The following P2RY6 variants were observed in gnomAD, a reference collection of about 807,000 sequenced individuals.
The protein encoded by P2RY6 is P2Y purinoceptor 6.
In P2RY6, 19 loss-of-function variants were observed where a neutral mutation model predicts 16.3. That is an observed-to-expected ratio of 1.16 (90% CI 0.81 to 1.71). P2RY6 has a LOEUF of 1.71. Ranked by LOEUF, P2RY6 falls within the 40% of genes most tolerant of loss-of-function variation. The probability of loss-of-function intolerance (pLI) is 0.00; values close to 1 mark genes in which losing one functional copy is unlikely to be tolerated. For synonymous variants in P2RY6, 184 were observed against 201.5 expected (o/e 0.91, Z 0.74); for missense variants, 389 against 455.5 (o/e 0.85, Z 1.33).
upstream of P2RY6, among the ~76,000 whole-genome samples, chr11:73,267,489 C>A (rs1863144418): frequency 6.6e-6 from 1 of 152,032 alleles, no homozygotes; most frequent in Non-Finnish European, 1.5e-5. Flanking sequence ...TCACTGGGCA[C>A]CTTGCAAGGC....
At chr11:73,266,150 T>C (rs1240591072) in intron 1 of P2RY6, among the ~76,000 whole-genome samples, 2 of 152,164 alleles carry the variant, frequency 1.3e-5, no homozygotes, top group Admixed American at 6.5e-5. Context: ...GAGTCCCTAT[T>C]TGAGTATCTC....
chr11:73,275,813 G>C (rs1863513065), intron 1 of P2RY6, among the ~76,000 whole-genome samples: 1 of 152,184 alleles, frequency 6.6e-6, no homozygotes, highest in Admixed American at 6.5e-5. Flanking sequence ...CTGACTCTTG[G>C]ATTCATTGGT....
chr11:73,279,661 T>TA (rs1411061962), intron 1 of P2RY6, among the ~76,000 whole-genome samples: 5 of 152,202 alleles, frequency 3.3e-5, no homozygotes, highest in African/African-American at 1.2e-4. Context: ...TCTGCACAGC[T>TA]AATAATCCAG....
intron 1 of P2RY6, among the ~76,000 whole-genome samples, chr11:73,283,722 T>C (rs1278068128): frequency 6.6e-6 from 1 of 152,060 alleles, no homozygotes; most frequent in Admixed American, 6.5e-5. Context: ...GGCCTGACTG[T>C]AAGTGTGTGA....
intron 1 of P2RY6, among the ~76,000 whole-genome samples, chr11:73,280,972 G>A: frequency 6.6e-6 from 1 of 152,164 alleles, no homozygotes; most frequent in East Asian, 1.9e-4. Flanking sequence ...CCCTGGAGAT[G>A]GAAAACCAGA....
At chr11:73,284,212 GCACTCAAC>G (rs1265769820) in intron 1 of P2RY6, among the ~76,000 whole-genome samples, 9 of 152,114 alleles carry the variant, frequency 5.9e-5, no homozygotes, top group Admixed American at 4.6e-4. Context: ...AGGGCCTCAG[GCACTCAAC>G]CAAGTCATGT....
intron 1 of P2RY6, among the ~76,000 whole-genome samples, chr11:73,266,687 G>A (rs1863115462): frequency 6.6e-6 from 1 of 152,242 alleles, no homozygotes; most frequent in African/African-American, 2.4e-5. Context: ...AGGACAAGGG[G>A]ACATAAAAGG....
Position 73,290,203 on chromosome 11 carries a change from C to G in P2RY6, c.-120-5527C>G, listed in dbSNP as rs1266485412. The stretch of plus-strand genomic sequence containing the variant: ...TGCCATTGTACTCCAGCCTGGGCAA[C>G]AAGAGTGAAACTCCGTCAAAAAAAG... On this transcript the variant is annotated intron_variant, in intron 1 of 2. Transcript: ENST00000540124. Among the ~76,000 whole-genome samples, 7 of 148,288 alleles carry G rather than the reference C, an allele frequency of 4.7e-5. No homozygotes were observed. In the East Asian group the frequency reaches 1.4e-3, roughly 29 times the overall value.
intron 1 of P2RY6, among the ~76,000 whole-genome samples, chr11:73,290,003 C>T (rs1864135142): frequency 6.6e-6 from 1 of 152,130 alleles, no homozygotes; most frequent in African/African-American, 2.4e-5. Flanking sequence ...AGGTGGATCA[C>T]CTGAGGTCGG....
chr11:73,279,604 C>T (rs1296892784), intron 1 of P2RY6, among the ~76,000 whole-genome samples: 1 of 152,214 alleles, frequency 6.6e-6, no homozygotes, highest in Non-Finnish European at 1.5e-5. Context: ...CCACTGGGTT[C>T]CTACATTCTC....
chr11:73,278,765 C>T (rs1057113198), intron 1 of P2RY6, among the ~76,000 whole-genome samples: 1 of 152,114 alleles, frequency 6.6e-6, no homozygotes, highest in Non-Finnish European at 1.5e-5. Context: ...ATCTATTCAT[C>T]CATCTACAGC....
At chr11:73,273,423 C>T (rs1863400980) in intron 1 of P2RY6, among the ~76,000 whole-genome samples, 1 of 152,064 alleles carries the variant, frequency 6.6e-6, no homozygotes, top group African/African-American at 2.4e-5. Context: ...GTGCCAAGCC[C>T]CTGGGTGTGT....
chr11:73,270,739 G>A (rs1040147857), upstream of P2RY6, among the ~76,000 whole-genome samples: 12 of 152,126 alleles, frequency 7.9e-5, no homozygotes, highest in Admixed American at 1.3e-4. Flanking sequence ...TGTGCCCAGG[G>A]AGTCCCAGTC....
At chr11:73,288,001 C>T (rs547365456) in intron 1 of P2RY6, among the ~76,000 whole-genome samples, 1 of 152,336 alleles carries the variant, frequency 6.6e-6, no homozygotes, top group East Asian at 1.9e-4. Context: ...GACCTCTCAG[C>T]CCTGTGCCCA....
At chr11:73,273,630 G>A (rs537014856) in intron 1 of P2RY6, among the ~76,000 whole-genome samples, 31 of 152,224 alleles carry the variant, frequency 2.0e-4, no homozygotes, top group Middle Eastern at 6.8e-3. Context: ...CCTGGAAATC[G>A]TTTCTGAGCC....
intron 1 of P2RY6, among the ~76,000 whole-genome samples, chr11:73,277,692 C>T (rs543849740): frequency 2.6e-5 from 4 of 152,314 alleles, no homozygotes; most frequent in African/African-American, 9.6e-5. Flanking sequence ...TTAGGCAATC[C>T]GCATCTTTTA....
intron 1 of P2RY6, among the ~76,000 whole-genome samples, chr11:73,281,832 C>T (rs1283617533): frequency 6.6e-6 from 1 of 152,212 alleles, no homozygotes; most frequent in East Asian, 1.9e-4. Flanking sequence ...TCTGGAAGCT[C>T]TAAGGGCTCC....
intron 1 of P2RY6, among the ~76,000 whole-genome samples, chr11:73,286,222 G>T (rs115800648): frequency 6.6e-6 from 1 of 152,152 alleles, no homozygotes; most frequent in African/African-American, 2.4e-5. Flanking sequence ...CCAGCTGGAC[G>T]TCTTATCACT....
chr11:73,280,566 G>A (rs1258064535), intron 1 of P2RY6, among the ~76,000 whole-genome samples: 1 of 152,100 alleles, frequency 6.6e-6, no homozygotes, highest in East Asian at 1.9e-4. Context: ...GTTCTGGTAG[G>A]ACTCTGGGGC....
Sources: gnomAD v4.1 joint callset for allele counts (sites outside exome capture counted in the v4.1 genomes callset) on GRCh38, gnomAD v4.1.1 for gene constraint, MANE v1.5 for transcripts, NCBI Gene and HGNC (gene_info 2026-07-23, HGNC 2026-07-21) for gene names.